SLC46A2: variants seen among roughly 807,000 people sequenced by gnomAD.
The protein encoded by SLC46A2 is thymic stromal co-transporter.
In SLC46A2, 25 loss-of-function variants were observed where a neutral mutation model predicts 33.1. That is an observed-to-expected ratio of 0.76 (90% CI 0.55 to 1.06). The LOEUF is 1.06. SLC46A2 is among the 50% of genes least tolerant of loss of function. The pLI, the probability that SLC46A2 is intolerant of heterozygous loss-of-function variation, is 0.00. For synonymous variants in SLC46A2, 254 were observed against 275.9 expected, an observed-to-expected ratio of 0.92 and a Z score of 0.79; for missense variants, 622 against 621.7, an observed-to-expected ratio of 1.00 and a Z score of 0.00.
chr9:112,890,815 T>C lies in SLC46A2; in HGVS notation c.-134A>G, dbSNP rs1827221141. ...GCTCCGTGCGCCGGGAGCGCGAGTG[T>C]GCTCCGTGCGCCGGGAGCGCGCCGG... On this transcript the variant is annotated 5_prime_UTR_variant, in exon 1 of 4. Transcript: ENST00000374228. The surrounding 1 kb of genome is among the most constrained non-coding windows in gnomAD (Gnocchi z 6.0). 1.3e-6 allele frequency: 1 copy of C among 744,564 alleles called. No individual in the cohort carries two copies. The highest frequency in any genetic ancestry group is 1.9e-6 in the Non-Finnish European group (1 of 519,890). The allele number at this position is 744,564 out of a possible 1,614,324, so 46.1% of individuals were successfully genotyped here. A position where few individuals can be genotyped will look rare whatever the true frequency, so the allele number is the denominator to read the frequency against.
intron 3 of SLC46A2, among the ~76,000 whole-genome samples, chr9:112,884,638 G>T (rs1188032117): frequency 6.6e-6 from 1 of 152,170 alleles, no homozygotes; most frequent in Non-Finnish European, 1.5e-5. Context: ...TTTAAAATCT[G>T]GCTTTGTTTG....
At chr9:112,882,270 C>G (rs1420403218) in intron 3 of SLC46A2, among the ~76,000 whole-genome samples, 1 of 152,134 alleles carries the variant, frequency 6.6e-6, no homozygotes, top group Non-Finnish European at 1.5e-5. Flanking sequence ...CAATGCCTAG[C>G]TGATTTATTA....
At chr9:112,881,893 T>A (rs1051586535) in intron 3 of SLC46A2, among the ~76,000 whole-genome samples, 7 of 152,186 alleles carry the variant, frequency 4.6e-5, no homozygotes, top group African/African-American at 1.7e-4. Context: ...TTAGGAAAAT[T>A]CTCTTTGAGA....
chr9:112,880,960 A>G (rs1402775670), intron 3 of SLC46A2, among the ~76,000 whole-genome samples: 2 of 152,062 alleles, frequency 1.3e-5, no homozygotes, highest in Non-Finnish European at 2.9e-5. Flanking sequence ...TTTTTCCTGG[A>G]ATCTCTTTCC....
At position 112,889,974 on chromosome 9, in the gene SLC46A2, G is replaced by A. The variant is rs767852913; in HGVS notation, c.708C>T (p.Pro236=). Residue 236 remains proline, a synonymous_variant, in exon 1 of 4, where the codon CCC becomes CCT. Coordinates refer to ENST00000374228, the MANE Select transcript of SLC46A2 (RefSeq NM_033051.4). ...VLKVPESVAK[P]SQELPAVDTV... ...TATCCACGGCGGGGAGCTCCTGGCTGGGTTTGGCCACCGACTCAGGGACCT... is the reference window on the plus strand; with the variant it reads ...TATCCACGGCGGGGAGCTCCTGGCTAGGTTTGGCCACCGACTCAGGGACCT... The A allele has an allele frequency of 1.9e-6, 3 of 1,614,166 alleles. No homozygotes were observed. Among genetic ancestry groups the A allele is most frequent in the African/African-American group, 1.3e-5 (1 of 75,054 alleles).
chr9:112,880,780 G>A (rs1199306081), intron 3 of SLC46A2, among the ~76,000 whole-genome samples: 1 of 152,160 alleles, frequency 6.6e-6, no homozygotes. Flanking sequence ...CTTTATCACT[G>A]GTAGACTGAA....
Position 112,879,734 on chromosome 9 carries a change from T to C in SLC46A2, c.*28A>G, listed in dbSNP as rs757930338. Reference sequence around the variant, plus strand: ...CTTCTGGGGGCCTGGCCATGGCTGATGTTTTCAGTTCCTGCAGGTAAGCAT... The same window carrying C: ...CTTCTGGGGGCCTGGCCATGGCTGACGTTTTCAGTTCCTGCAGGTAAGCAT... On this transcript the variant is annotated 3_prime_UTR_variant, in exon 4 of 4. Transcript: ENST00000374228. 4 of 1,605,204 alleles carry C rather than the reference T, an allele frequency of 2.5e-6. No individual in the cohort carries two copies. Among genetic ancestry groups the C allele is most frequent in the Admixed American group, 1.7e-5 (1 of 59,980 alleles).
intron 2 of SLC46A2, among the ~76,000 whole-genome samples, 161 bp downstream of exon 2, chr9:112,887,169 G>A (rs75464924): frequency 1.3e-3 from 198 of 152,184 alleles, no homozygotes; most frequent in Non-Finnish European, 2.2e-3. Flanking sequence ...TCCTATACCC[G>A]TCTCCACTCT....
chr9:112,887,855 G>A (rs778263232), intron 1 of SLC46A2, among the ~76,000 whole-genome samples: 2 of 151,834 alleles, frequency 1.3e-5, no homozygotes, highest in Admixed American at 6.6e-5. Context: ...TCCCATGAAC[G>A]CATCCACTGC....
Position 112,890,359 on chromosome 9 carries a change from G to C in SLC46A2, c.323C>G (p.Ser108Cys). The change falls in exon 1 of 4, where the codon TCC (serine) becomes TGC (cysteine). Residue 108 changes from serine (S) to cysteine (C), a missense_variant. Transcript: ENST00000374228. This position sits in a 1 kb window ranked among gnomAD's most constrained non-coding sequence, Gnocchi z 6.0. ...GAAGCCCAGCAGCGACATGCAGATGGAGATCTTTCGGTGGTAGCGGTCGCT... is the reference window on the plus strand; with the variant it reads ...GAAGCCCAGCAGCGACATGCAGATGCAGATCTTTCGGTGGTAGCGGTCGCT... ...WLSDRYHRKI[S>C]ICMSLLGFLL... 6.2e-7 allele frequency: 1 copy of C among 1,614,084 alleles called. No individual in the cohort carries two copies. The highest frequency in any genetic ancestry group is 2.2e-5 in the East Asian group (1 of 44,872).
In SLC46A2 at chr9:112,889,888, T is replaced by C. The variant is rs377646939; in HGVS notation, c.794A>G (p.Tyr265Cys). The change falls in exon 1 of 4, where the codon TAT (tyrosine) becomes TGT (cysteine). Residue 265 changes from tyrosine (Y) to cysteine (C), a missense_variant. Tyr to Cys is a radical substitution (Grantham distance 194, BLOSUM62 -2). Coordinates refer to ENST00000374228, the MANE Select transcript of SLC46A2 (RefSeq NM_033051.4). ...AGGAGATGGAGGGTGCCCCACTGCA[T>C]ACTGTTGGTCCAACTGATCAGGATC... ...TLDPDQLDQQYAVGHPPSPGK... is the reference protein window; with the variant it reads ...TLDPDQLDQQCAVGHPPSPGK... The C allele has an allele frequency of 6.9e-5, 112 of 1,614,104 alleles. No homozygotes were observed. Among genetic ancestry groups the C allele is most frequent in the Non-Finnish European group, 8.9e-5 (105 of 1,180,054 alleles).
In SLC46A2 at chr9:112,890,078, A is replaced by AGTGCCCAGC. The variant is rs766231444; in HGVS notation, c.595_603dup (p.Ala199_His201dup). 41 of 1,613,800 alleles carry AGTGCCCAGC rather than the reference A, an allele frequency of 2.5e-5. No individual in the cohort carries two copies. The highest frequency in any genetic ancestry group is 3.1e-5 in the Non-Finnish European group (36 of 1,179,992). ...GCCGTCAGTATCAGGCCCTGCCCAGAGTGCCCAGCCATCTGCTTGAAGAGA... is the reference window on the plus strand; with the variant it reads ...GCCGTCAGTATCAGGCCCTGCCCAGAGTGCCCAGCGTGCCCAGCCATCTGCTTGAAGAGA... On this transcript the variant is annotated inframe_insertion, in exon 1 of 4. Transcript: ENST00000374228. This position sits in a 1 kb window ranked among gnomAD's most constrained non-coding sequence, Gnocchi z 6.0.
Position 112,887,390 on chromosome 9 carries a change from G to A in SLC46A2, c.1153C>T (p.Leu385Phe), listed in dbSNP as rs774976099. Reference protein sequence around the residue: ...YIARAVMLFALIPVTTIRSAM... With the variant: ...YIARAVMLFAFIPVTTIRSAM... The stretch of plus-strand genomic sequence containing the variant: ...GATCGGATGGTTGTGACGGGGATGA[G>A]AGCAAACAGCATGACGGCTCGAGCT... The change falls in exon 2 of 4, where the codon CTC becomes TTC. Residue 385 changes from leucine to phenylalanine, a missense_variant. Physicochemically the swap from Leu to Phe is conservative, Grantham distance 22. Transcript: ENST00000374228. The A allele has an allele frequency of 1.2e-6, 2 of 1,611,420 alleles. No homozygotes were observed. Among genetic ancestry groups the A allele is most frequent in the South Asian group, 1.1e-5 (1 of 90,390 alleles).
rs1841716678 is a variant in SLC46A2, at chr9:112,890,485, A to G, written c.197T>C (p.Leu66Pro). ...HSASPSPRGALEDQQQRAISN... is the reference protein window; with the variant it reads ...HSASPSPRGAPEDQQQRAISN... Reference sequence around the variant, plus strand: ...GATGGCTCTCTGCTGTTGGTCCTCTAGAGCCCCCCGGGGCGATGGGCTGGC... The same window carrying G: ...GATGGCTCTCTGCTGTTGGTCCTCTGGAGCCCCCCGGGGCGATGGGCTGGC... The change falls in exon 1 of 4, where the codon CTA becomes CCA. Residue 66 changes from leucine to proline, a missense_variant. By Grantham distance (98) the Leu-to-Pro change is moderately conservative. Transcript: ENST00000374228. This position sits in a 1 kb window ranked among gnomAD's most constrained non-coding sequence, Gnocchi z 6.0. 2 of 1,614,188 alleles carry G rather than the reference A, an allele frequency of 1.2e-6. No individual in the cohort carries two copies. Among genetic ancestry groups the G allele is most frequent in the East Asian group, 4.5e-5 (2 of 44,878 alleles).
In SLC46A2 at chr9:112,890,085, A is replaced by G. The variant is rs1841707437; in HGVS notation, c.597T>C (p.Ala199=). 2 of 1,613,644 alleles carry G rather than the reference A, an allele frequency of 1.2e-6. No homozygotes were observed. Among genetic ancestry groups the G allele is most frequent in the Non-Finnish European group, 1.7e-6 (2 of 1,179,998 alleles). ...MASGHLFKQM[A]GHSGQGLILT... ...GTATCAGGCCCTGCCCAGAGTGCCCAGCCATCTGCTTGAAGAGATGCCCGG... is the reference window on the plus strand; with the variant it reads ...GTATCAGGCCCTGCCCAGAGTGCCCGGCCATCTGCTTGAAGAGATGCCCGG... The change falls in exon 1 of 4, where the codon GCT becomes GCC. Residue 199 remains alanine, a synonymous_variant. Transcript: ENST00000374228. The surrounding 1 kb of genome is among the most constrained non-coding windows in gnomAD (Gnocchi z 6.0).
At chr9:112,883,243 A>G (rs1346055582) in intron 3 of SLC46A2, among the ~76,000 whole-genome samples, 1 of 152,056 alleles carries the variant, frequency 6.6e-6, no homozygotes, top group Non-Finnish European at 1.5e-5. Context: ...AGAAGGAGAG[A>G]CGGAGGAAGA....
chr9:112,890,692 T>C lies in SLC46A2; in HGVS notation c.-11A>G, dbSNP rs201915674. 17 of 1,584,280 alleles carry C rather than the reference T, an allele frequency of 1.1e-5. No homozygotes were observed. Among genetic ancestry groups the C allele is most frequent in the Middle Eastern group, 2.3e-4 (1 of 4,420 alleles). The stretch of plus-strand genomic sequence containing the variant: ...GACCTCGGGGCTCATGTGACCTCTC[T>C]GATGGGGATCGAAGGGCTTTCTGGC... On this transcript the variant is annotated 5_prime_UTR_variant, in exon 1 of 4. Coordinates refer to ENST00000374228, the MANE Select transcript of SLC46A2 (RefSeq NM_033051.4). This position sits in a 1 kb window ranked among gnomAD's most constrained non-coding sequence, Gnocchi z 6.0.
chr9:112,884,998 A>T (rs1456154160), intron 3 of SLC46A2, among the ~76,000 whole-genome samples: 2 of 152,212 alleles, frequency 1.3e-5, no homozygotes, highest in African/African-American at 2.4e-5. Context: ...GCCAGGACTC[A>T]TACGAAAACA....
At chr9:112,880,738 G>C (rs1841565798) in intron 3 of SLC46A2, among the ~76,000 whole-genome samples, 1 of 152,218 alleles carries the variant, frequency 6.6e-6, no homozygotes, top group Non-Finnish European at 1.5e-5. Context: ...AACAAAGGGT[G>C]TGCCTTTTCC....
Sources: gnomAD v4.1 joint callset for allele counts (sites outside exome capture counted in the v4.1 genomes callset) on GRCh38, gnomAD v4.1.1 for gene constraint, Gnocchi (gnomAD v3.1) non-coding constraint, MANE v1.5 for transcripts, NCBI Gene and HGNC (gene_info 2026-07-23, HGNC 2026-07-21) for gene names.